EZR: variants seen among roughly 807,000 people sequenced by gnomAD.
EZR encodes cytovillin 2.
EZR carries 40 observed loss-of-function variants against 74.8 expected under a neutral mutation model. The observed-to-expected ratio is 0.53, with a 90% confidence interval of 0.42 to 0.70. EZR has a LOEUF of 0.70. EZR is among the 30% of genes least tolerant of loss of function. The probability of loss-of-function intolerance (pLI) is 0.00; values close to 1 mark genes in which losing one functional copy is unlikely to be tolerated. For missense variants in EZR, 678 were observed against 755.8 expected, an observed-to-expected ratio of 0.90 and a Z score of 1.21; for synonymous variants, 341 against 283.3, an observed-to-expected ratio of 1.20 and a Z score of -2.05.
chr6:158,807,889 T>C (rs560926120), intron 2 of EZR, among the ~76,000 whole-genome samples: 2 of 152,142 alleles, frequency 1.3e-5, no homozygotes, highest in African/African-American at 2.4e-5. Context: ...CATTTTGCCA[T>C]TGAGGAAAGG....
chr6:158,800,764 T>C (rs985084645), intron 2 of EZR, among the ~76,000 whole-genome samples: 2 of 152,006 alleles, frequency 1.3e-5, no homozygotes, highest in African/African-American at 4.8e-5. Context: ...ATTGCACCAC[T>C]GCACTCCAGC....
intron 2 of EZR, among the ~76,000 whole-genome samples, chr6:158,792,971 C>A (rs9347254): frequency 0.41 from 62,358 of 151,790 alleles, 13,406 homozygotes; most frequent in Non-Finnish European, 0.49. Flanking sequence ...TATGCTCCAA[C>A]ACCCATGGGC....
intron 2 of EZR, among the ~76,000 whole-genome samples, chr6:158,808,085 T>C (rs570717084): frequency 1.3e-5 from 2 of 152,352 alleles, no homozygotes; most frequent in East Asian, 3.9e-4. Context: ...GAATGAACTT[T>C]ATGCAGGGTG....
intron 2 of EZR, among the ~76,000 whole-genome samples, chr6:158,817,679 C>T (rs1777588090): frequency 6.6e-6 from 1 of 152,190 alleles, no homozygotes; most frequent in African/African-American, 2.4e-5. Flanking sequence ...TGGTTTCGGA[C>T]CCTTAGGAGC....
At chr6:158,818,671 G>C (rs9457475) in intron 1 of EZR, among the ~76,000 whole-genome samples, 61,287 of 150,500 alleles carry the variant, frequency 0.41, 13,127 homozygotes, top group Non-Finnish European at 0.48. Context: ...GCGGAGAAGA[G>C]GGGGCGCGGG....
At chr6:158,791,731 CAG>C (rs1162416497) in intron 2 of EZR, among the ~76,000 whole-genome samples, 14 of 29,312 alleles carry the variant, frequency 4.8e-4, no homozygotes, top group African/African-American at 1.2e-3. Context: ...TTTTTTGAGA[CAG>C]AGTCTTTCTC....
At chr6:158,784,516 C>G in intron 6 of EZR, 128 bp downstream of exon 6, 1 of 755,772 alleles carries the variant, frequency 1.3e-6, no homozygotes, top group Non-Finnish European at 2.1e-6. Flanking sequence ...CCACTTTTAA[C>G]TCGGTTCCCT....
At position 158,787,230 on chromosome 6, in the gene EZR, A is replaced by G. The variant is rs370816606; in HGVS notation, c.97-27T>C. On this transcript the variant is annotated intron_variant, in intron 3 of 13. Transcript: ENST00000367075. ...TGCGTGAGAGAGAGAGAGGCTCAAC[A>G]CTCATGAGAAACTCACTCAAAAGGG... 2.5e-6 allele frequency: 4 copies of G among 1,585,776 alleles called. No individual in the cohort carries two copies. In the African/African-American group the frequency reaches 5.4e-5, roughly 21 times the overall value.
intron 7 of EZR, among the ~76,000 whole-genome samples, chr6:158,779,621 T>TGGCACAATCTTGGCTCACTGCAGC (rs1347194296): frequency 2.0e-5 from 3 of 152,284 alleles, no homozygotes; most frequent in African/African-American, 7.2e-5. Flanking sequence ...TAGAGTGCAG[T>TGGCACAATCTTGGCTCACTGCAGC]GGCACAATCT....
In EZR at chr6:158,806,082, G is replaced by A. The variant is rs375698660; in HGVS notation, c.12+12000C>T. Among the ~76,000 whole-genome samples, 10 of 152,350 alleles carry A rather than the reference G, an allele frequency of 6.6e-5. No homozygotes were observed. The South Asian group carries it at 1.9e-3, about 28-fold the overall frequency. ...ACAAAGTAATAGTGGAAAAAACTGG[G>A]AACAAATCGTTCTATGTGTTTCCAA... On this transcript the variant is annotated intron_variant, in intron 2 of 13. Coordinates refer to ENST00000367075, the MANE Select transcript of EZR (RefSeq NM_001111077.2).
intron 2 of EZR, among the ~76,000 whole-genome samples, chr6:158,793,403 AATATAT>A (rs759378798): frequency 1.3e-5 from 2 of 151,282 alleles, no homozygotes; most frequent in Admixed American, 6.6e-5. Context: ...TCACAGTTTT[AATATAT>A]ATATATATTC....
At chr6:158,789,200 G>A in intron 3 of EZR, 88 bp downstream of exon 3, 1 of 933,808 alleles carries the variant, frequency 1.1e-6, no homozygotes, top group Non-Finnish European at 1.7e-6. Context: ...GTAAAACAAG[G>A]TAATATGCTT....
chr6:158,800,371 A>G (rs977750185), intron 2 of EZR, among the ~76,000 whole-genome samples: 3 of 152,240 alleles, frequency 2.0e-5, no homozygotes, highest in African/African-American at 7.2e-5. Context: ...AAGGGCTAGA[A>G]GAAATTCCAG....
intron 7 of EZR, among the ~76,000 whole-genome samples, chr6:158,779,425 C>G (rs927336836): frequency 1.3e-5 from 2 of 152,204 alleles, no homozygotes; most frequent in Non-Finnish European, 2.9e-5. Context: ...GGAATGAGGT[C>G]TAGAGACTGC....
intron 1 of EZR, among the ~76,000 whole-genome samples, 158 bp downstream of exon 1, chr6:158,819,159 A>G (rs1397863164): frequency 6.6e-6 from 1 of 151,578 alleles, no homozygotes; most frequent in Non-Finnish European, 1.5e-5. Flanking sequence ...GGGCCGGCTC[A>G]GCTCCACCTG....
chr6:158,766,950 G>A lies in EZR; in HGVS notation c.1725C>T (p.Asn575=). ...YKTLRQIRQG[N]TKQRIDEFEA... ...CGAACTCGTCGATGCGCTGCTTGGT[G>A]TTGCCCTGCCGGATCTGCCGCAGCG... Residue 575 remains asparagine (N), a synonymous_variant, in exon 14 of 14, where the codon AAC becomes AAT. Transcript: ENST00000367075. 6.2e-7 allele frequency: 1 copy of A among 1,614,154 alleles called. No individual in the cohort carries two copies.
At chr6:158,783,810 G>A in intron 6 of EZR, 144 bp from the exon 7 acceptor site, 1 of 886,408 alleles carries the variant, frequency 1.1e-6, no homozygotes, top group Non-Finnish European at 1.7e-6. Context: ...GCAGGGGCCG[G>A]GCAGCCGACC....
At chr6:158,791,710 T>TTTTC in intron 2 of EZR, among the ~76,000 whole-genome samples, 1 of 132,160 alleles carries the variant, frequency 7.6e-6, no homozygotes, top group African/African-American at 2.8e-5. Context: ...GACTCCATTT[T>TTTTC]TTTTTTTTTT....
At chr6:158,797,960 T>C (rs1172285177) in intron 2 of EZR, among the ~76,000 whole-genome samples, 1 of 152,210 alleles carries the variant, frequency 6.6e-6, no homozygotes, top group Admixed American at 6.5e-5. Flanking sequence ...AGAAACTCCA[T>C]GGCCACTGGC....
Sources: gnomAD v4.1 joint callset for allele counts (sites outside exome capture counted in the v4.1 genomes callset) on GRCh38, gnomAD v4.1.1 for gene constraint, MANE v1.5 for transcripts, NCBI Gene and HGNC (gene_info 2026-07-23, HGNC 2026-07-21) for gene names.